The following DNAH7 variants were observed in gnomAD, a reference collection of about 807,000 sequenced individuals.
DNAH7 encodes the protein axonemal beta dynein heavy chain 7.
DNAH7 carries 397 observed loss-of-function variants against 444.6 expected under a neutral mutation model. That is an observed-to-expected ratio of 0.89 (90% CI 0.82 to 0.97). The LOEUF is 0.97. Among genes scored for constraint, DNAH7 ranks in the 50% least tolerant of loss-of-function variants. The probability of loss-of-function intolerance (pLI) is 0.00; values close to 1 mark genes in which losing one functional copy is unlikely to be tolerated. For missense variants in DNAH7, 4,902 were observed against 4,800.8 expected (o/e 1.02, Z -0.62); for synonymous variants, 1,636 against 1,624.4 (o/e 1.01, Z -0.17).
At position 196,024,051 on chromosome 2, in the gene DNAH7, A is replaced by C. The variant is rs144424168; in HGVS notation, c.743+378T>G. Reference sequence around the variant, plus strand: ...AATTATAATAGTAACATCAAAGATTACTGATCACAGCTCACCATAACAGAT... The same window carrying C: ...AATTATAATAGTAACATCAAAGATTCCTGATCACAGCTCACCATAACAGAT... On this transcript the variant is annotated intron_variant, in intron 8 of 64. Transcript: ENST00000312428. 6.2e-4 allele frequency among the ~76,000 whole-genome samples: 95 copies of C among 152,330 alleles called. 2 individuals carry two copies. In the East Asian group the frequency reaches 0.016, roughly 26 times the overall value.
At chr2:196,062,896 T>C (rs924003658) in intron 1 of DNAH7, among the ~76,000 whole-genome samples, 1 of 152,206 alleles carries the variant, frequency 6.6e-6, no homozygotes, top group African/African-American at 2.4e-5. Flanking sequence ...GTTTTTTGTT[T>C]GTTTGACACA....
chr2:195,842,854 A>C (rs1260695861), intron 47 of DNAH7, among the ~76,000 whole-genome samples: 2 of 152,174 alleles, frequency 1.3e-5, no homozygotes, highest in African/African-American at 2.4e-5. Flanking sequence ...ATTTGCTAGA[A>C]AACAAGATGC....
At chr2:195,778,643 AATATATATATATAT>A (rs1169066622) in intron 58 of DNAH7, among the ~76,000 whole-genome samples, 3 of 56,214 alleles carry the variant, frequency 5.3e-5, no homozygotes, top group South Asian at 6.4e-4. Flanking sequence ...TAAATAAATA[AATATATATATATAT>A]ATATATATAT....
chr2:195,809,991 C>A, intron 51 of DNAH7, 120 bp from the exon 52 acceptor site: 1 of 718,614 alleles, frequency 1.4e-6, no homozygotes. Flanking sequence ...CCCAAACAAT[C>A]AAGAATCCTC....
chr2:195,817,020 GTA>G, intron 50 of DNAH7, 57 bp from the exon 51 acceptor site: 1 of 1,266,554 alleles, frequency 7.9e-7, no homozygotes, highest in African/African-American at 1.5e-5. Context: ...ATCATTTCAC[GTA>G]TATGTTCTTT....
intron 16 of DNAH7, among the ~76,000 whole-genome samples, chr2:195,971,431 G>C (rs1311200262): frequency 6.6e-6 from 1 of 152,210 alleles, no homozygotes; most frequent in Non-Finnish European, 1.5e-5. Flanking sequence ...GATCCCATCA[G>C]GAGGCAGACT....
chr2:195,990,720 G>A (rs371039256), intron 12 of DNAH7, among the ~76,000 whole-genome samples: 57 of 149,366 alleles, frequency 3.8e-4, no homozygotes, highest in African/African-American at 1.4e-3. Flanking sequence ...CATTCCATTG[G>A]TCTATGTGTT....
chr2:195,776,091 C>G (rs899248762), intron 59 of DNAH7, 108 bp from the exon 60 acceptor site: 4 of 1,339,896 alleles, frequency 3.0e-6, no homozygotes, highest in Non-Finnish European at 4.1e-6. Context: ...ACTGGATAGG[C>G]CTGTGACACT....
At chr2:196,041,157 C>T (rs2125829296) in intron 5 of DNAH7, among the ~76,000 whole-genome samples, 1 of 152,160 alleles carries the variant, frequency 6.6e-6, no homozygotes, top group South Asian at 2.1e-4. Context: ...AATACACTCC[C>T]TATCAAAATA....
chr2:196,059,924 C>A (rs1698041101), intron 1 of DNAH7, among the ~76,000 whole-genome samples: 1 of 152,098 alleles, frequency 6.6e-6, no homozygotes, highest in South Asian at 2.1e-4. Flanking sequence ...AATATTAAAC[C>A]TATGTTTCTG....
chr2:195,925,601 G>T (rs1319638867), intron 22 of DNAH7, among the ~76,000 whole-genome samples: 1 of 152,060 alleles, frequency 6.6e-6, no homozygotes, highest in Non-Finnish European at 1.5e-5. Context: ...GTGACCTGTT[G>T]GTAAGTTGGA....
intron 5 of DNAH7, among the ~76,000 whole-genome samples, chr2:196,032,312 T>G (rs1696109345): frequency 6.6e-6 from 1 of 152,098 alleles, no homozygotes; most frequent in South Asian, 2.1e-4. Context: ...AAATGAGATT[T>G]GGGTGGGGAC....
rs1462914433 is a variant in DNAH7, at chr2:195,895,224, CCT to C, written c.4648-2_4648-1del. 6.3e-7 allele frequency: 1 copy of C among 1,593,780 alleles called. No homozygotes were observed. The highest frequency in any genetic ancestry group is 8.6e-7 in the Non-Finnish European group (1 of 1,165,226). ...CCAGGAAACAAATCCGAAGTAATTCCCTGATGATAGATGATTTGAAGGATTTA... is the reference window on the plus strand; with the variant it reads ...CCAGGAAACAAATCCGAAGTAATTCCGATGATAGATGATTTGAAGGATTTA... On this transcript the variant is annotated splice_acceptor_variant, in intron 29 of 64. Transcript: ENST00000312428. LOFTEE classifies it high-confidence loss of function.
intron 12 of DNAH7, among the ~76,000 whole-genome samples, chr2:195,993,384 G>A (rs369757307): frequency 1.1e-4 from 16 of 152,098 alleles, no homozygotes; most frequent in African/African-American, 3.9e-4. Flanking sequence ...AAATTGAAAT[G>A]GTGATGAATG....
chr2:195,935,780 G>A (rs528288131), intron 20 of DNAH7, among the ~76,000 whole-genome samples: 1 of 152,224 alleles, frequency 6.6e-6, no homozygotes, highest in African/African-American at 2.4e-5. Flanking sequence ...TGTTTAACCA[G>A]ATTTCCACTA....
chr2:195,836,145 C>G (rs1698361613), intron 47 of DNAH7, among the ~76,000 whole-genome samples: 1 of 152,152 alleles, frequency 6.6e-6, no homozygotes, highest in African/African-American at 2.4e-5. Context: ...GCTGCTCCCT[C>G]TTCTTACAAG....
intron 1 of DNAH7, among the ~76,000 whole-genome samples, chr2:196,059,258 T>C (rs1164236929): frequency 6.6e-6 from 1 of 152,212 alleles, no homozygotes; most frequent in African/African-American, 2.4e-5. Context: ...TTGAACCTCT[T>C]AGCAGTAACC....
intron 13 of DNAH7, among the ~76,000 whole-genome samples, chr2:195,987,532 A>G (rs560765567): frequency 1.3e-5 from 2 of 152,236 alleles, no homozygotes; most frequent in Admixed American, 6.5e-5. Context: ...ATACATGTTC[A>G]TGGTAGAAAA....
intron 30 of DNAH7, chr2:195,894,309 T>C (rs1341699215): frequency 6.6e-6 from 1 of 151,900 alleles, no homozygotes; most frequent in African/African-American, 2.4e-5. Flanking sequence ...ACAAAGTAGA[T>C]CACAACAAAT....
Sources: gnomAD v4.1 joint callset for allele counts (sites outside exome capture counted in the v4.1 genomes callset) on GRCh38, gnomAD v4.1.1 for gene constraint, MANE v1.5 for transcripts, NCBI Gene and HGNC (gene_info 2026-07-23, HGNC 2026-07-21) for gene names.